The following PRMT8 variants were observed in gnomAD, a reference collection of about 807,000 sequenced individuals.
PRMT8 encodes protein arginine N-methyltransferase 8.
PRMT8 carries 7 observed loss-of-function variants against 47.1 expected under a neutral mutation model. The observed-to-expected ratio is 0.15, with a 90% CI of 0.08 to 0.28. The LOEUF is 0.28. PRMT8 is among the 10% of genes least tolerant of loss of function. The probability of loss-of-function intolerance (pLI) is 1.00; values close to 1 mark genes in which losing one functional copy is unlikely to be tolerated. For missense variants in PRMT8, 237 were observed against 505.4 expected (o/e 0.47, Z 5.09); for synonymous variants, 188 against 186.5 (o/e 1.01, Z -0.07).
intron 1 of PRMT8, among the ~76,000 whole-genome samples, chr12:3,506,197 A>G (rs901950333): frequency 6.6e-6 from 1 of 152,166 alleles, no homozygotes; most frequent in African/African-American, 2.4e-5. Flanking sequence ...TATGATATGT[A>G]TGGGTAGTGG....
intron 1 of PRMT8, among the ~76,000 whole-genome samples, chr12:3,415,074 C>G (rs185497817): frequency 6.6e-6 from 1 of 152,068 alleles, no homozygotes; most frequent in Non-Finnish European, 1.5e-5. Flanking sequence ...TCTGACCCAC[C>G]GGCTATACAT....
At chr12:3,417,108 C>G (rs576877395) in intron 1 of PRMT8, among the ~76,000 whole-genome samples, 2 of 152,150 alleles carry the variant, frequency 1.3e-5, no homozygotes, top group African/African-American at 4.8e-5. Flanking sequence ...TGAGCAGAGG[C>G]GTGTAATAGA....
rs1305926574 is a variant in PRMT8, at chr12:3,492,239, G to A, written c.75+539G>A. Among the ~76,000 whole-genome samples, 1 of 152,074 alleles carries A rather than the reference G, an allele frequency of 6.6e-6. No homozygotes were observed. Among genetic ancestry groups the A allele is most frequent in the Non-Finnish European group, 1.5e-5 (1 of 68,002 alleles). On this transcript the variant is annotated intron_variant, in intron 1 of 9. Transcript: ENST00000382622. The surrounding 1 kb of genome is among the most constrained non-coding windows in gnomAD (Gnocchi z 7.5). Reference sequence around the variant, plus strand: ...CGGAGAGCCCCCGGCCGCGGGGGCCGAGCCGGCAGGAGGACTCGGGCACCT... The same window carrying A: ...CGGAGAGCCCCCGGCCGCGGGGGCCAAGCCGGCAGGAGGACTCGGGCACCT...
At chr12:3,402,771 C>T (rs1486616600) in intron 1 of PRMT8, among the ~76,000 whole-genome samples, 3 of 152,148 alleles carry the variant, frequency 2.0e-5, no homozygotes, top group Non-Finnish European at 4.4e-5. Flanking sequence ...CAATGAGATA[C>T]CATCTCATGC....
rs1864758970 is a variant in PRMT8, at chr12:3,437,643, T to C, written c.48+56201T>C. Reference sequence around the variant, plus strand: ...CAGGCTATATATATATATATATATATATATATATTGCATTCAGCTACTCTT... The same window carrying C: ...CAGGCTATATATATATATATATATACATATATATTGCATTCAGCTACTCTT... On this transcript the variant is annotated intron_variant, in intron 1 of 9. Transcript: ENST00000452611. Among the ~76,000 whole-genome samples the C allele has an allele frequency of 1.0e-4, 15 of 150,650 alleles. 1 individual carries two copies. In the South Asian group the frequency reaches 2.9e-3, roughly 30 times the overall value.
At chr12:3,427,838 C>G (rs1401956553) in intron 1 of PRMT8, among the ~76,000 whole-genome samples, 1 of 151,916 alleles carries the variant, frequency 6.6e-6, no homozygotes, top group African/African-American at 2.4e-5. Flanking sequence ...CTCTTTTTTT[C>G]CCTTTTTTCG....
chr12:3,383,449 A>G (rs1307051903), intron 1 of PRMT8, among the ~76,000 whole-genome samples: 1 of 152,220 alleles, frequency 6.6e-6, no homozygotes, highest in Non-Finnish European at 1.5e-5. Context: ...TGTCCCCTCA[A>G]AATTCATATG....
At chr12:3,575,564 CCT>C (rs1171588871) in intron 6 of PRMT8, among the ~76,000 whole-genome samples, 7 of 152,330 alleles carry the variant, frequency 4.6e-5, no homozygotes, top group East Asian at 3.9e-4. Flanking sequence ...CCCTCGCCCC[CCT>C]GTTTCCCTGA....
intron 1 of PRMT8, among the ~76,000 whole-genome samples, chr12:3,411,743 GAGAA>G (rs1303815158): frequency 2.0e-5 from 3 of 152,292 alleles, no homozygotes; most frequent in African/African-American, 2.4e-5. Context: ...TTAATAAGAG[GAGAA>G]AGAGAGATCT....
At chr12:3,425,516 G>T (rs1355177467) in intron 1 of PRMT8, among the ~76,000 whole-genome samples, 1 of 152,234 alleles carries the variant, frequency 6.6e-6, no homozygotes, top group African/African-American at 2.4e-5. Flanking sequence ...TAGCCCCAGG[G>T]CTGGGGCTGA....
chr12:3,458,332 G>A (rs1180983261), intron 1 of PRMT8, among the ~76,000 whole-genome samples: 1 of 152,210 alleles, frequency 6.6e-6, no homozygotes, highest in African/African-American at 2.4e-5. Context: ...TCCATCCTTG[G>A]CGGTGAGGAC....
rs1056207600 is a variant in PRMT8, at chr12:3,583,794, C to T, written c.979+586C>T. Among the ~76,000 whole-genome samples, 6 of 152,266 alleles carry T rather than the reference C, an allele frequency of 3.9e-5. No homozygotes were observed. Among genetic ancestry groups the T allele is most frequent in the Non-Finnish European group, 7.3e-5 (5 of 68,044 alleles). On this transcript the variant is annotated intron_variant, in intron 8 of 9. Transcript: ENST00000382622. The surrounding 1 kb of genome is among the most constrained non-coding windows in gnomAD (Gnocchi z 4.7). ...AGATAAGCCTGGCAAATGGGGATCC[C>T]ATGGCCTGGCCCTGGCCCACTCTCC...
intron 1 of PRMT8, among the ~76,000 whole-genome samples, chr12:3,381,766 CA>C (rs1470656619): frequency 6.6e-6 from 1 of 152,166 alleles, no homozygotes; most frequent in Non-Finnish European, 1.5e-5. Context: ...GACTATAGCA[CA>C]ATATTGTAAC....
intron 1 of PRMT8, among the ~76,000 whole-genome samples, chr12:3,528,633 G>C (rs78208766): frequency 6.6e-6 from 1 of 151,042 alleles, no homozygotes; most frequent in Non-Finnish European, 1.5e-5. Flanking sequence ...ATCATTTCTC[G>C]GTTCAGTTTT....
chr12:3,413,630 A>C (rs1292150954), intron 1 of PRMT8, among the ~76,000 whole-genome samples: 1 of 152,180 alleles, frequency 6.6e-6, no homozygotes, highest in Admixed American at 6.5e-5. Flanking sequence ...GCATTGTGCC[A>C]CAATGTTACA....
chr12:3,420,618 C>T (rs1864531083), intron 1 of PRMT8, among the ~76,000 whole-genome samples: 1 of 152,176 alleles, frequency 6.6e-6, no homozygotes, highest in Non-Finnish European at 1.5e-5. Context: ...CCAGTAGAGG[C>T]AGTGGGTTGG....
intron 1 of PRMT8, among the ~76,000 whole-genome samples, chr12:3,433,004 G>A (rs1371701809): frequency 6.6e-6 from 1 of 152,204 alleles, no homozygotes; most frequent in African/African-American, 2.4e-5. Context: ...TACAGAGTAT[G>A]TAAATGGCTT....
chr12:3,435,191 A>G (rs901526235), intron 1 of PRMT8, among the ~76,000 whole-genome samples: 2 of 150,760 alleles, frequency 1.3e-5, no homozygotes, highest in Non-Finnish European at 3.0e-5. Flanking sequence ...CTGGTCTCAA[A>G]CTCCTGACCT....
At chr12:3,519,793 G>A (rs1865853840) in intron 1 of PRMT8, among the ~76,000 whole-genome samples, 1 of 152,182 alleles carries the variant, frequency 6.6e-6, no homozygotes, top group African/African-American at 2.4e-5. Context: ...AGGGTTGGAT[G>A]GGGACTGTGA....
Sources: gnomAD v4.1 joint callset for allele counts (sites outside exome capture counted in the v4.1 genomes callset) on GRCh38, gnomAD v4.1.1 for gene constraint, Gnocchi (gnomAD v3.1) non-coding constraint, MANE v1.5 for transcripts, NCBI Gene and HGNC (gene_info 2026-07-23, HGNC 2026-07-21) for gene names.